PRPS2: variants seen among roughly 807,000 people sequenced by gnomAD.
PRPS2 encodes the protein phosphoribosyl pyrophosphate synthetase 2.
For missense variants in PRPS2, 104 were observed against 271.5 expected (o/e 0.38, Z 4.34); for synonymous variants, 111 against 115.3 (o/e 0.96, Z 0.24).
intron 1 of PRPS2, among the ~76,000 whole-genome samples, chrX:12,798,104 T>C (rs2147214800): frequency 9.0e-6 from 1 of 111,364 alleles, no homozygotes; most frequent in Non-Finnish European, 1.9e-5. Context: ...TCTTGGGAGA[T>C]TTTGATTGTT....
intron 1 of PRPS2, among the ~76,000 whole-genome samples, chrX:12,798,719 G>A (rs2042555474): frequency 8.9e-6 from 1 of 111,927 alleles, no homozygotes; most frequent in Non-Finnish European, 1.9e-5. Flanking sequence ...CATTTTGCAA[G>A]GGTACCCACC....
At chrX:12,815,982 T>C (rs953678279) in intron 4 of PRPS2, among the ~76,000 whole-genome samples, 6 of 111,573 alleles carry the variant, frequency 5.4e-5, no homozygotes, top group Non-Finnish European at 1.1e-4. Context: ...AGCAAAATTT[T>C]TGTTGGCCTT....
At chrX:12,810,809 C>G (rs2042619949) in intron 4 of PRPS2, among the ~76,000 whole-genome samples, 1 of 107,078 alleles carries the variant, frequency 9.3e-6, no homozygotes. Flanking sequence ...ATGATCACAC[C>G]ACTGCACTCC....
intron 2 of PRPS2, among the ~76,000 whole-genome samples, chrX:12,809,030 A>C (rs780726294): frequency 8.9e-4 from 100 of 112,439 alleles, no homozygotes; most frequent in African/African-American, 3.1e-3. Context: ...TCAAGCACTT[A>C]GTTTTGCAGT....
intron 4 of PRPS2, among the ~76,000 whole-genome samples, chrX:12,818,366 CAAAAAAAAA>C (rs35450855): frequency 3.2e-5 from 2 of 62,898 alleles, no homozygotes; most frequent in Non-Finnish European, 5.9e-5. Flanking sequence ...GAAACTGTCT[CAAAAAAAAA>C]AAAAAAAAAG....
Position 12,820,635 on chromosome X carries a change from G to C in PRPS2, c.705-9G>C, listed in dbSNP as rs1231546274. On this transcript the variant is annotated splice_polypyrimidine_tract_variant and intron_variant, in intron 5 of 6. Coordinates refer to ENST00000380668, the MANE Select transcript of PRPS2 (RefSeq NM_002765.5). ...ATACCCTTAATTTTTATCTTCTGCT[G>C]TTCTACAGGCTGCTGTCAGCTGGAG... 5 of 1,202,240 alleles carry C rather than the reference G, an allele frequency of 4.2e-6. No homozygotes were observed. The highest frequency in any genetic ancestry group is 5.6e-6 in the Non-Finnish European group (5 of 891,343).
At chrX:12,813,983 A>G (rs1417324769) in intron 4 of PRPS2, among the ~76,000 whole-genome samples, 1 of 105,224 alleles carries the variant, frequency 9.5e-6, no homozygotes, top group Non-Finnish European at 1.9e-5. Flanking sequence ...GATTCTGTAT[A>G]TTTTTTTCTT....
In PRPS2 at chrX:12,820,873, G is replaced by A. The variant is rs987358911; in HGVS notation, c.864+70G>A. 5.5e-6 allele frequency: 6 copies of A among 1,098,649 alleles called. No homozygotes were observed. The African/African-American group carries it at 9.1e-5, about 17-fold the overall frequency. 90.5% of individuals were successfully genotyped at this position (1,098,649 alleles called of 1,213,427 possible). On this transcript the variant is annotated intron_variant, in intron 6 of 6. Transcript: ENST00000380668. ...TTTAGATCCTTAAAAATAGCATCAT[G>A]TCTTGTGTGTGTGTGGCTCCTTGCT...
At chrX:12,815,339 C>T (rs2042642192) in intron 4 of PRPS2, among the ~76,000 whole-genome samples, 1 of 110,491 alleles carries the variant, frequency 9.1e-6, no homozygotes, top group Non-Finnish European at 1.9e-5. Flanking sequence ...TGAGCAGGCT[C>T]GTGAGAACAG....
intron 1 of PRPS2, 39 bp downstream of exon 1, chrX:12,791,658 G>T: frequency 2.1e-6 from 2 of 960,525 alleles, no homozygotes; most frequent in Non-Finnish European, 2.6e-6. Context: ...GGAGAGCGCT[G>T]GGCACGCGGC....
In PRPS2 at chrX:12,809,287, G is replaced by A. The variant is rs772568682; in HGVS notation, c.360G>A (p.Gly120=). Residue 120 remains glycine, a synonymous_variant, in exon 3 of 7, where the codon GGG becomes GGA. Transcript: ENST00000380668. Reference sequence around the variant, plus strand: ...TGGCCAATATGCTGTCGGTGGCTGGGGCGGATCACATCATCACCATGGACC... The same window carrying A: ...TGGCCAATATGCTGTCGGTGGCTGGAGCGGATCACATCATCACCATGGACC... ...KLVANMLSVA[G]ADHIITMDLH... is the part of the protein sequence containing the mutation. 5 of 1,210,076 alleles carry A rather than the reference G, an allele frequency of 4.1e-6. No homozygotes were observed. The highest frequency in any genetic ancestry group is 3.5e-5 in the African/African-American group (2 of 57,459).
intron 4 of PRPS2, among the ~76,000 whole-genome samples, chrX:12,810,531 AAAG>A (rs1021990193): frequency 2.7e-5 from 3 of 111,830 alleles, no homozygotes; most frequent in African/African-American, 9.8e-5. Flanking sequence ...TTTTTTTTTA[AAAG>A]AAATCTCTGT....
At chrX:12,819,157 C>G (rs891171778) in intron 4 of PRPS2, among the ~76,000 whole-genome samples, 1 of 112,833 alleles carries the variant, frequency 8.9e-6, no homozygotes, top group Non-Finnish European at 1.9e-5. Flanking sequence ...ACAAACTGGG[C>G]AAATAGTAGT....
chrX:12,810,646 G>C (rs1307457352), intron 4 of PRPS2, among the ~76,000 whole-genome samples: 5 of 110,952 alleles, frequency 4.5e-5, no homozygotes, highest in Non-Finnish European at 9.4e-5. Context: ...TCCAGCAAGA[G>C]CCTGGTGGCT....
At chrX:12,809,975 C>A (rs755974765) in intron 3 of PRPS2, 47 bp from the exon 4 acceptor site, 4 of 1,085,990 alleles carry the variant, frequency 3.7e-6, no homozygotes, top group South Asian at 2.8e-5. Flanking sequence ...CAAAAGAAAA[C>A]AAAACAAAAC....
intron 1 of PRPS2, among the ~76,000 whole-genome samples, chrX:12,797,358 TAA>T (rs373644455): frequency 1.6e-4 from 16 of 99,226 alleles, no homozygotes; most frequent in South Asian, 1.4e-3. Context: ...ACTCTGTCTT[TAA>T]AAAAAAAAAA....
chrX:12,819,458 C>T (rs770610659), intron 4 of PRPS2, 49 bp from the exon 5 acceptor site: 56 of 1,153,884 alleles, frequency 4.9e-5, no homozygotes, highest in Non-Finnish European at 5.4e-5. Context: ...ACTTTAAAGG[C>T]GAGATCTCTA....
At chrX:12,808,225 CACAAATAATCTGTTA>C (rs2042604039) in intron 2 of PRPS2, among the ~76,000 whole-genome samples, 1 of 110,449 alleles carries the variant, frequency 9.1e-6, no homozygotes, top group South Asian at 3.9e-4. Context: ...TTAGGGAAAA[CACAAATAATCTGTTA>C]ACATTTTCAA....
chrX:12,802,288 G>A (rs1408668752), intron 2 of PRPS2, among the ~76,000 whole-genome samples: 1 of 111,713 alleles, frequency 9.0e-6, no homozygotes, highest in Non-Finnish European at 1.9e-5. Context: ...ACTAACAAGA[G>A]CCCTATGGAT....
Sources: allele counts gnomAD v4.1 joint callset (sites outside exome capture counted in the v4.1 genomes callset), GRCh38; gene constraint gnomAD v4.1.1; transcripts MANE v1.5; gene names NCBI Gene and HGNC (gene_info 2026-07-23, HGNC 2026-07-21).